PDLIM5: variants seen among roughly 807,000 people sequenced by gnomAD.
The protein encoded by PDLIM5 is PDZ and LIM domain protein 5.
A neutral mutation model predicts 64.2 loss-of-function variants in PDLIM5; 34 were observed. The ratio of observed to expected loss-of-function variants is 0.53; its 90% CI spans 0.40 to 0.71. The LOEUF (loss-of-function observed/expected upper bound fraction) is 0.71. Among genes scored for constraint, PDLIM5 ranks in the 30% least tolerant of loss-of-function variants. PDLIM5 has a pLI of 0.00. For synonymous variants in PDLIM5, 253 were observed against 269.1 expected (o/e 0.94, Z 0.59); for missense variants, 683 against 733.6 (o/e 0.93, Z 0.80).
intron 5 of PDLIM5, chr4:94,584,835 C>A: frequency 1.7e-6 from 1 of 603,976 alleles, no homozygotes; most frequent in Non-Finnish European, 3.0e-6. Flanking sequence ...GTATGGCATA[C>A]AGTGAACAAT....
intron 8 of PDLIM5, among the ~76,000 whole-genome samples, chr4:94,618,862 A>T (rs770248817): frequency 6.6e-6 from 1 of 152,230 alleles, no homozygotes; most frequent in Non-Finnish European, 1.5e-5. Context: ...ATGTAAAAAA[A>T]AGTACCCCTT....
intron 7 of PDLIM5, among the ~76,000 whole-genome samples, chr4:94,614,521 T>C (rs1738620117): frequency 6.6e-6 from 1 of 152,190 alleles, no homozygotes; most frequent in Admixed American, 6.5e-5. Context: ...AGATATATGA[T>C]TGTCTAGATA....
rs1034177562 is a variant in PDLIM5 at position 94,529,742 on chromosome 4, C to T, written c.248+5867C>T. On this transcript the variant is annotated intron_variant, in intron 3 of 12. Coordinates refer to ENST00000317968, the MANE Select transcript of PDLIM5 (RefSeq NM_006457.5). ...GGTTTTATTTTGATTTGTCTTTTAT[C>T]GTTGAAAAAATTGGAAAAAACATAT... is the stretch of plus-strand genomic sequence containing the variant. Among the ~76,000 whole-genome samples the T allele has an allele frequency of 2.6e-5, 4 of 151,924 alleles. 1 individual carries two copies. Among genetic ancestry groups the T allele is most frequent in the Non-Finnish European group, 5.9e-5 (4 of 67,972 alleles).
intron 7 of PDLIM5, among the ~76,000 whole-genome samples, chr4:94,589,720 TTCTC>T (rs1736525169): frequency 7.4e-6 from 1 of 134,940 alleles, no homozygotes; most frequent in Admixed American, 7.8e-5. Context: ...CTTTCTCTCT[TTCTC>T]TTTCTTTCTT....
chr4:94,558,058 C>A (rs1250180547), intron 3 of PDLIM5, among the ~76,000 whole-genome samples: 2 of 152,080 alleles, frequency 1.3e-5, no homozygotes, highest in African/African-American at 2.4e-5. Flanking sequence ...ATAAGTAGCT[C>A]TTATTATTTT....
intron 9 of PDLIM5, among the ~76,000 whole-genome samples, chr4:94,643,009 C>A (rs1741121045): frequency 6.6e-6 from 1 of 151,860 alleles, no homozygotes; most frequent in South Asian, 2.1e-4. Context: ...TTGCCAAAAA[C>A]CATTTTTTAT....
intron 3 of PDLIM5, among the ~76,000 whole-genome samples, chr4:94,527,473 C>T (rs1174707655): frequency 6.6e-6 from 1 of 152,204 alleles, no homozygotes; most frequent in Non-Finnish European, 1.5e-5. Flanking sequence ...GTGAACTCTT[C>T]CCTTCATAAA....
rs148848721 is a variant in PDLIM5 at position 94,641,634 on chromosome 4, C to T, written c.1283+1184C>T. Among the ~76,000 whole-genome samples, 112 of 152,328 alleles carry T rather than the reference C, an allele frequency of 7.4e-4. 2 individuals are homozygous for T. In the East Asian group the frequency reaches 0.02, roughly 28 times the overall value. On this transcript the variant is annotated intron_variant, in intron 9 of 12. Coordinates refer to ENST00000317968, the MANE Select transcript of PDLIM5 (RefSeq NM_006457.5). The stretch of plus-strand genomic sequence containing the variant: ...TCTGTTTTCTTTCAGACTTTTAAAA[C>T]ATTCACACATAAGGACAGATATTAT...
At chr4:94,515,521 G>A (rs1207719547) in intron 2 of PDLIM5, among the ~76,000 whole-genome samples, 2 of 152,064 alleles carry the variant, frequency 1.3e-5, no homozygotes, top group Admixed American at 6.5e-5. Context: ...TCCTCCTGTC[G>A]TAGAAGTATG....
chr4:94,659,977 A>T (rs1418805439), intron 11 of PDLIM5, among the ~76,000 whole-genome samples: 1 of 150,418 alleles, frequency 6.6e-6, no homozygotes, highest in Admixed American at 6.6e-5. Flanking sequence ...GCTCACCGTA[A>T]CCTCCACCTC....
Position 94,618,053 on chromosome 4 carries a change from C to G in PDLIM5, c.970C>G (p.Arg324Gly), listed in dbSNP as rs141653509. ...PQLASSVAST[R>G]SMPESLDSPT... is the part of the protein sequence containing the mutation. The stretch of plus-strand genomic sequence containing the variant: ...GTTGGCTTCCTCGGTAGCTTCCACA[C>G]GGAGCATGCCCGAGAGCCTGGACAG... The change falls in exon 8 of 13, where the codon CGG becomes GGG. Residue 324 changes from arginine (R) to glycine (G), a missense_variant. Arg to Gly is a moderately radical substitution (Grantham distance 125). Transcript: ENST00000317968. 1.9e-6 allele frequency: 3 copies of G among 1,604,870 alleles called. No individual in the cohort carries two copies. In the East Asian group the frequency reaches 6.8e-5, roughly 36 times the overall value.
chr4:94,587,705 G>C, intron 7 of PDLIM5: 1 of 984,798 alleles, frequency 1.0e-6, no homozygotes, highest in Non-Finnish European at 1.2e-6. Flanking sequence ...GGAAAGAAGA[G>C]AATTTTACCC....
chr4:94,588,563 C>CTAAATAAA (rs70946537), intron 7 of PDLIM5, among the ~76,000 whole-genome samples: 2,624 of 145,952 alleles, frequency 0.018, 31 homozygotes, highest in Non-Finnish European at 0.024. Context: ...AACTCCATCT[C>CTAAATAAA]TAAATAAATA....
At chr4:94,574,998 T>G (rs998276671) in intron 4 of PDLIM5, among the ~76,000 whole-genome samples, 2 of 151,756 alleles carry the variant, frequency 1.3e-5, no homozygotes, top group African/African-American at 4.8e-5. Flanking sequence ...TTTAAAGTTT[T>G]TTTTTTTTTT....
chr4:94,643,119 T>C (rs1005239656), intron 9 of PDLIM5, among the ~76,000 whole-genome samples: 1 of 152,184 alleles, frequency 6.6e-6, no homozygotes, highest in African/African-American at 2.4e-5. Context: ...GGAATCTGAA[T>C]GTTAGAACTG....
intron 2 of PDLIM5, among the ~76,000 whole-genome samples, chr4:94,460,395 G>A (rs900962820): frequency 6.6e-6 from 1 of 152,166 alleles, no homozygotes; most frequent in Non-Finnish European, 1.5e-5. Flanking sequence ...AAGTTATTCA[G>A]AGAAATGTTA....
chr4:94,662,136 G>C (rs1472423844), intron 11 of PDLIM5, among the ~76,000 whole-genome samples: 1 of 152,066 alleles, frequency 6.6e-6, no homozygotes, highest in Non-Finnish European at 1.5e-5. Context: ...TTCTTTATAT[G>C]TATTTAGGCA....
intron 3 of PDLIM5, among the ~76,000 whole-genome samples, chr4:94,554,282 C>T (rs993032398): frequency 6.6e-6 from 1 of 152,052 alleles, no homozygotes; most frequent in African/African-American, 2.4e-5. Flanking sequence ...AAACATTTAT[C>T]TTTAAGAAAA....
chr4:94,604,159 TA>T (rs1488488641), intron 7 of PDLIM5, among the ~76,000 whole-genome samples: 1 of 152,058 alleles, frequency 6.6e-6, no homozygotes, highest in African/African-American at 2.4e-5. Flanking sequence ...GAAATACTAC[TA>T]AAAACAGGCA....
Sources: allele counts gnomAD v4.1 joint callset (sites outside exome capture counted in the v4.1 genomes callset), GRCh38; gene constraint gnomAD v4.1.1; transcripts MANE v1.5; gene names NCBI Gene and HGNC (gene_info 2026-07-23, HGNC 2026-07-21).